LARGE1: variants seen among roughly 807,000 people sequenced by gnomAD.
LARGE1 encodes xylosyl- and glucuronyltransferase LARGE1.
A neutral mutation model predicts 87.6 loss-of-function variants in LARGE1; 43 were observed. The ratio of observed to expected loss-of-function variants is 0.49; its 90% CI spans 0.38 to 0.63. The LOEUF (loss-of-function observed/expected upper bound fraction) is 0.63. Ranked by LOEUF, LARGE1 falls within the 30% of genes least tolerant of loss-of-function variation. The pLI is 0.00. For synonymous variants in LARGE1, 434 were observed against 394.6 expected (o/e 1.10, Z -1.18); for missense variants, 802 against 1,000.2 (o/e 0.80, Z 2.67).
At chr22:33,367,759 T>C (rs1041816032) in intron 9 of LARGE1, among the ~76,000 whole-genome samples, 1 of 152,184 alleles carries the variant, frequency 6.6e-6, no homozygotes, top group Non-Finnish European at 1.5e-5. Context: ...ATATATCATC[T>C]TGAGTTGCAA....
chr22:33,224,697 A>G (rs1046468281), intron 11 of LARGE1, among the ~76,000 whole-genome samples: 1 of 152,120 alleles, frequency 6.6e-6, no homozygotes, highest in Admixed American at 6.6e-5. Flanking sequence ...TGAATAATGC[A>G]TCTCATCCCA....
intron 13 of LARGE1, among the ~76,000 whole-genome samples, chr22:33,282,718 G>A (rs888793023): frequency 2.0e-5 from 3 of 152,108 alleles, no homozygotes; most frequent in Non-Finnish European, 4.4e-5. Flanking sequence ...TTGACACAAC[G>A]GCTACACGTC....
At chr22:33,656,898 G>C (rs2080975783) in intron 2 of LARGE1, 1 of 152,202 alleles carries the variant, frequency 6.6e-6, no homozygotes, top group African/African-American at 2.4e-5. Flanking sequence ...CTAAGATTCA[G>C]AACAAAGAAG....
chr22:33,425,512 A>G (rs2066845584), intron 7 of LARGE1, among the ~76,000 whole-genome samples: 1 of 152,332 alleles, frequency 6.6e-6, no homozygotes, highest in Admixed American at 6.5e-5. Context: ...ACATCCTTGC[A>G]GCAGAAAGAT....
intron 2 of LARGE1, among the ~76,000 whole-genome samples, chr22:33,741,642 A>C (rs1349244824): frequency 6.6e-6 from 1 of 152,202 alleles, no homozygotes; most frequent in Non-Finnish European, 1.5e-5. Context: ...ACAGCCTGCA[A>C]ATACCCATGA....
chr22:33,303,622 T>TTTA (rs372808038), intron 12 of LARGE1, among the ~76,000 whole-genome samples: 1 of 152,082 alleles, frequency 6.6e-6, no homozygotes, highest in Non-Finnish European at 1.5e-5. Flanking sequence ...TTTTCTTCTA[T>TTTA]TTATTATTAT....
rs531929090 is a variant in LARGE1, at chr22:33,347,486, T to C, written c.1132-9685A>G. Reference sequence around the variant, plus strand: ...TGATAAAAGCTCTACTAATGTGGGATTTGGAATGGAGAAACATATTCCCCT... The same window carrying C: ...TGATAAAAGCTCTACTAATGTGGGACTTGGAATGGAGAAACATATTCCCCT... On this transcript the variant is annotated intron_variant, in intron 9 of 14. Coordinates refer to ENST00000397394, the MANE Select transcript of LARGE1 (RefSeq NM_133642.5). Among the ~76,000 whole-genome samples, 6 of 152,336 alleles carry C rather than the reference T, an allele frequency of 3.9e-5. No homozygotes were observed. The East Asian group carries it at 1.2e-3, about 29-fold the overall frequency.
the LARGE1 span, among the ~76,000 whole-genome samples, chr22:33,076,989 C>T: frequency 1.3e-5 from 2 of 152,292 alleles, no homozygotes; most frequent in African/African-American, 4.8e-5. Flanking sequence ...GTACTACTCA[C>T]TGGCTGTGTG....
chr22:33,095,748 G>A, the LARGE1 span, among the ~76,000 whole-genome samples: 5 of 152,160 alleles, frequency 3.3e-5, no homozygotes, highest in African/African-American at 4.8e-5. Context: ...TGGTAGGCAC[G>A]GAGGTCACAG....
At chr22:33,478,068 C>T (rs2069155751) in intron 6 of LARGE1, among the ~76,000 whole-genome samples, 1 of 152,132 alleles carries the variant, frequency 6.6e-6, no homozygotes, top group Admixed American at 6.5e-5. Flanking sequence ...GTTGATTAAG[C>T]TCTAATTATG....
chr22:33,785,177 ATG>A (rs2085588295), intron 1 of LARGE1, among the ~76,000 whole-genome samples: 5 of 149,130 alleles, frequency 3.4e-5, no homozygotes, highest in African/African-American at 1.0e-4. Flanking sequence ...ATACATACAT[ATG>A]TGTATATACA....
At chr22:33,852,338 G>A (rs896184804) in intron 1 of LARGE1, among the ~76,000 whole-genome samples, 2 of 152,078 alleles carry the variant, frequency 1.3e-5, no homozygotes, top group African/African-American at 4.8e-5. Flanking sequence ...ATCAACTGTG[G>A]AAGTAATTAA....
chr22:33,472,816 T>C (rs773953652), intron 6 of LARGE1, among the ~76,000 whole-genome samples: 4 of 152,230 alleles, frequency 2.6e-5, no homozygotes, highest in Non-Finnish European at 5.9e-5. Context: ...TTTGGAATTT[T>C]ACCAAGAGCT....
chr22:33,709,100 T>C (rs1349695541), intron 2 of LARGE1, among the ~76,000 whole-genome samples: 2 of 152,166 alleles, frequency 1.3e-5, no homozygotes, highest in East Asian at 3.9e-4. Context: ...GTCACATTCC[T>C]GGGTATCAGG....
chr22:33,203,696 G>A (rs1924531907), intron 11 of LARGE1, among the ~76,000 whole-genome samples: 1 of 152,160 alleles, frequency 6.6e-6, no homozygotes, highest in South Asian at 2.1e-4. Flanking sequence ...AGCAACTCAA[G>A]CATTTGGGTT....
At chr22:33,487,656 T>C (rs952732578) in intron 6 of LARGE1, among the ~76,000 whole-genome samples, 2 of 152,176 alleles carry the variant, frequency 1.3e-5, no homozygotes, top group African/African-American at 4.8e-5. Flanking sequence ...TGTGCTGTTG[T>C]TGAGATGGCC....
chr22:33,812,478 C>CAAT (rs2086526285), intron 1 of LARGE1, among the ~76,000 whole-genome samples: 1 of 152,214 alleles, frequency 6.6e-6, no homozygotes, highest in Non-Finnish European at 1.5e-5. Context: ...ATTCAGGTCT[C>CAAT]CTAGGAAAAC....
At chr22:33,372,349 A>C (rs920769161) in intron 9 of LARGE1, among the ~76,000 whole-genome samples, 1 of 152,164 alleles carries the variant, frequency 6.6e-6, no homozygotes, top group Non-Finnish European at 1.5e-5. Flanking sequence ...TTTATATATA[A>C]TTCTGTATAC....
intron 5 of LARGE1, among the ~76,000 whole-genome samples, chr22:33,568,308 T>C (rs1399260710): frequency 6.6e-6 from 1 of 152,302 alleles, no homozygotes; most frequent in East Asian, 1.9e-4. Flanking sequence ...CAGTCAACCC[T>C]AACGGAAACC....
Sources: gnomAD v4.1 joint callset for allele counts (sites outside exome capture counted in the v4.1 genomes callset) on GRCh38, gnomAD v4.1.1 for gene constraint, MANE v1.5 for transcripts, NCBI Gene and HGNC (gene_info 2026-07-23, HGNC 2026-07-21) for gene names.